The following TBC1D20 variants were observed in gnomAD, a reference collection of about 807,000 sequenced individuals.
TBC1D20 encodes the protein chromosome 20 open reading frame 140.
Under a neutral mutation model 41.6 loss-of-function variants are expected in TBC1D20, and 12 were observed. That is an observed-to-expected ratio of 0.29 (90% CI 0.18 to 0.47). The LOEUF is 0.47. Ranked by LOEUF, TBC1D20 falls within the 20% of genes least tolerant of loss-of-function variation. TBC1D20 has a pLI of 1.00. For missense variants in TBC1D20, 421 were observed against 517.4 expected, an observed-to-expected ratio of 0.81 and a Z score of 1.81; for synonymous variants, 205 against 204.8, an observed-to-expected ratio of 1.00 and a Z score of -0.01.
At chr20:461,626 C>A (rs1286440370) in intron 1 of TBC1D20, among the ~76,000 whole-genome samples, 2 of 152,186 alleles carry the variant, frequency 1.3e-5, no homozygotes, top group Non-Finnish European at 2.9e-5. Context: ...CCTCCCAAAG[C>A]GCTGGGATTA....
intron 2 of TBC1D20, 127 bp from the exon 3 acceptor site, chr20:445,257 T>A (rs1568577458): frequency 4.4e-6 from 3 of 681,782 alleles, no homozygotes; most frequent in Non-Finnish European, 7.9e-6. Flanking sequence ...ATGATATGAC[T>A]CAAGATACAA....
chr20:454,116 G>A lies in TBC1D20; in HGVS notation c.71-6042C>T, dbSNP rs985979354. Among the ~76,000 whole-genome samples the A allele has an allele frequency of 9.3e-5, 14 of 151,142 alleles. 1 individual carries two copies. Among genetic ancestry groups the A allele is most frequent in the Non-Finnish European group, 1.6e-4 (11 of 67,856 alleles). ...AAATTAGCCAGGCGTGGTGGCGGGCGCCTGTAGTCCCAGCTACTCGAGAGG... is the reference window on the plus strand; with the variant it reads ...AAATTAGCCAGGCGTGGTGGCGGGCACCTGTAGTCCCAGCTACTCGAGAGG... On this transcript the variant is annotated intron_variant, in intron 1 of 7. Coordinates refer to ENST00000354200, the MANE Select transcript of TBC1D20 (RefSeq NM_144628.4).
At chr20:451,095 C>A (rs1012310307) in intron 1 of TBC1D20, among the ~76,000 whole-genome samples, 1 of 152,128 alleles carries the variant, frequency 6.6e-6, no homozygotes, top group Admixed American at 6.5e-5. Context: ...AAGGTGCATG[C>A]AGACAATAAT....
rs2017309171 is a variant in TBC1D20 at position 445,153 on chromosome 20, A to ATT, written c.257-25_257-24dup. On this transcript the variant is annotated intron_variant, in intron 2 of 7. Coordinates refer to ENST00000354200, the MANE Select transcript of TBC1D20 (RefSeq NM_144628.4). ...TCCCTATTGAAGGAAAAGGCACGTTATTGCAGGAATGCCTGAGAAGCCAGA... is the reference window on the plus strand; with the variant it reads ...TCCCTATTGAAGGAAAAGGCACGTTATTTTGCAGGAATGCCTGAGAAGCCAGA... 2.6e-6 allele frequency: 4 copies of ATT among 1,560,832 alleles called. No homozygotes were observed. The South Asian group carries it at 4.6e-5, about 18-fold the overall frequency.
intron 1 of TBC1D20, among the ~76,000 whole-genome samples, chr20:458,314 A>ATT (rs759935413): frequency 1.0e-4 from 15 of 143,348 alleles, no homozygotes; most frequent in African/African-American, 2.3e-4. Context: ...CTCTGTTCCA[A>ATT]TTTTTTTTTT....
At position 460,211 on chromosome 20, in the gene TBC1D20, G is replaced by T. The variant is rs540980588; in HGVS notation, c.70+2125C>A. 3.3e-5 allele frequency among the ~76,000 whole-genome samples: 5 copies of T among 152,122 alleles called. No homozygotes were observed. The East Asian group carries it at 9.6e-4, about 29-fold the overall frequency. On this transcript the variant is annotated intron_variant, in intron 1 of 7. Coordinates refer to ENST00000354200, the MANE Select transcript of TBC1D20 (RefSeq NM_144628.4). ...GCTAGTCTTAAAACAATGGAAGGGG[G>T]GGGCCGTTTTGTGTGGAGGGAGGGA...
chr20:438,560 T>G lies in TBC1D20; in HGVS notation c.*26A>C. 6.2e-7 allele frequency: 1 copy of G among 1,610,792 alleles called. No individual in the cohort carries two copies. Among genetic ancestry groups the G allele is most frequent in the Non-Finnish European group, 8.5e-7 (1 of 1,177,448 alleles). On this transcript the variant is annotated 3_prime_UTR_variant, in exon 8 of 8. Transcript: ENST00000354200. ...ATGGAAGGGTGAGACCTTAATGTGA[T>G]GTAAGAGGAAGGTCTTCTCTGGCTT...
rs1424301186 is a variant in TBC1D20, at chr20:435,753, G to A, written c.*2833C>T. ...ATGGCTGAAGCATGGCAGCTGTGTT[G>A]AGATGAAACTGGACAAAAAGCATAA... On this transcript the variant is annotated 3_prime_UTR_variant, in exon 8 of 8. Coordinates refer to ENST00000354200, the MANE Select transcript of TBC1D20 (RefSeq NM_144628.4). 6.6e-6 allele frequency: 1 copy of A among 152,482 alleles called. No homozygotes were observed. 9.4% of individuals were successfully genotyped at this position (152,482 alleles called of 1,614,324 possible).
At chr20:441,443 GC>G in intron 5 of TBC1D20, 144 bp downstream of exon 5, 1 of 683,534 alleles carries the variant, frequency 1.5e-6, no homozygotes, top group Non-Finnish European at 2.6e-6. Flanking sequence ...TACCCAGATT[GC>G]TGGTGACTGG....
In TBC1D20 at chr20:438,560, T is replaced by C; in HGVS notation, c.*26A>G. On this transcript the variant is annotated 3_prime_UTR_variant, in exon 8 of 8. Transcript: ENST00000354200. The stretch of plus-strand genomic sequence containing the variant: ...ATGGAAGGGTGAGACCTTAATGTGA[T>C]GTAAGAGGAAGGTCTTCTCTGGCTT... 1 of 1,610,792 alleles carries C rather than the reference T, an allele frequency of 6.2e-7. No homozygotes were observed. Among genetic ancestry groups the C allele is most frequent in the Non-Finnish European group, 8.5e-7 (1 of 1,177,448 alleles).
intron 1 of TBC1D20, among the ~76,000 whole-genome samples, chr20:458,937 C>T (rs1414430374): frequency 6.6e-6 from 1 of 152,136 alleles, no homozygotes; most frequent in African/African-American, 2.4e-5. Flanking sequence ...CTCCTCAACC[C>T]CACAGCCTAG....
Position 447,957 on chromosome 20 carries a change from T to C in TBC1D20, c.188A>G (p.Asp63Gly). 6.2e-7 allele frequency: 1 copy of C among 1,614,182 alleles called. No homozygotes were observed. The highest frequency in any genetic ancestry group is 8.5e-7 in the Non-Finnish European group (1 of 1,180,018). ...GGGCCACACTTTTCGTCTGATCTCATCAGTCAGGAGCCCTCCTTCACTGAT... is the reference window on the plus strand; with the variant it reads ...GGGCCACACTTTTCGTCTGATCTCACCAGTCAGGAGCCCTCCTTCACTGAT... ...MAISEGGLLT[D>G]EIRRKVWPKL... Residue 63 changes from aspartate to glycine, a missense_variant, in exon 2 of 8, where the codon GAT becomes GGT. Transcript: ENST00000354200.
At chr20:461,187 C>G (rs533748518) in intron 1 of TBC1D20, among the ~76,000 whole-genome samples, 92 of 152,302 alleles carry the variant, frequency 6.0e-4, no homozygotes, top group Non-Finnish European at 1.1e-3. Context: ...TCACCTTAGT[C>G]TTCCTCAAGG....
intron 1 of TBC1D20, among the ~76,000 whole-genome samples, chr20:452,728 A>C (rs1302143308): frequency 6.6e-6 from 1 of 152,256 alleles, no homozygotes; most frequent in Non-Finnish European, 1.5e-5. Flanking sequence ...TATCACCAGA[A>C]GGTAGGGCAG....
chr20:448,420 G>C (rs1416204899), intron 1 of TBC1D20, among the ~76,000 whole-genome samples: 3 of 152,186 alleles, frequency 2.0e-5, no homozygotes, highest in Non-Finnish European at 2.9e-5. Flanking sequence ...GCTGGGTGTG[G>C]TGGCTCATGC....
chr20:453,934 A>G (rs1487436420), intron 1 of TBC1D20, among the ~76,000 whole-genome samples: 1 of 146,788 alleles, frequency 6.8e-6, no homozygotes, highest in Non-Finnish European at 1.5e-5. Flanking sequence ...GTGAAACTCC[A>G]TCTCTATTAA....
Position 447,971 on chromosome 20 carries a change from T to C in TBC1D20, c.174A>G (p.Gly58=), listed in dbSNP as rs2017368180. ...GTCTGATCTCATCAGTCAGGAGCCC[T>C]CCTTCACTGATAGCCATGCGTCTAA... The part of the protein sequence containing the change: ...AALRRMAISE[G]GLLTDEIRRK... Residue 58 remains glycine, a synonymous_variant, in exon 2 of 8, where the codon GGA becomes GGG. Coordinates refer to ENST00000354200, the MANE Select transcript of TBC1D20 (RefSeq NM_144628.4). The C allele has an allele frequency of 3.1e-6, 5 of 1,614,170 alleles. No homozygotes were observed. The African/African-American group carries it at 5.3e-5, about 17-fold the overall frequency.
Position 453,539 on chromosome 20 carries a change from C to CTTTTTTTTTTTTTTTTTTTTTT in TBC1D20, c.71-5466_71-5465insAAAAAAAAAAAAAAAAAAAAAA, listed in dbSNP as rs1198052752. Among the ~76,000 whole-genome samples the CTTTTTTTTTTTTTTTTTTTTTT allele has an allele frequency of 1.8e-5, 2 of 109,726 alleles. 1 individual carries two copies. The highest frequency in any genetic ancestry group is 3.4e-5 in the Non-Finnish European group (2 of 58,062). The allele number at this position is 109,726 out of a possible 152,430, so 72.0% of individuals were successfully genotyped here. A position where few individuals can be genotyped will look rare whatever the true frequency, so the allele number is the denominator to read the frequency against. ...ACGGTGGCTCGTGCCTGTAATCCAG[C>CTTTTTTTTTTTTTTTTTTTTTT]ATTTTTTTTTTTTTTTTTTTTTTTG... On this transcript the variant is annotated intron_variant, in intron 1 of 7. Transcript: ENST00000354200.
intron 1 of TBC1D20, among the ~76,000 whole-genome samples, chr20:457,389 T>A (rs533658477): frequency 1.6e-4 from 25 of 152,234 alleles, no homozygotes; most frequent in South Asian, 1.5e-3. Context: ...TGCCTAATTT[T>A]AAAAAAATTT....
Sources: allele counts gnomAD v4.1 joint callset (sites outside exome capture counted in the v4.1 genomes callset), GRCh38; gene constraint gnomAD v4.1.1; transcripts MANE v1.5; gene names NCBI Gene and HGNC (gene_info 2026-07-23, HGNC 2026-07-21).